KIAA0825: variants seen among roughly 807,000 people sequenced by gnomAD.
The protein encoded by KIAA0825 is uncharacterized protein KIAA0825.
Under a neutral mutation model 147.6 loss-of-function variants are expected in KIAA0825, and 119 were observed. The ratio of observed to expected loss-of-function variants is 0.81; its 90% CI spans 0.69 to 0.94. The LOEUF is 0.94. KIAA0825 is among the 40% of genes least tolerant of loss of function. KIAA0825 has a pLI of 0.00. For synonymous variants in KIAA0825, 470 were observed against 518.1 expected (o/e 0.91, Z 1.26); for missense variants, 1,381 against 1,472.7 (o/e 0.94, Z 1.02).
Position 94,559,028 on chromosome 5 carries a change from G to A in KIAA0825, c.-1-21901C>T, listed in dbSNP as rs535274941. Among the ~76,000 whole-genome samples, 20 of 152,126 alleles carry A rather than the reference G, an allele frequency of 1.3e-4. 1 individual carries two copies. Among genetic ancestry groups the A allele is most frequent in the Middle Eastern group, 3.4e-3 (1 of 290 alleles). On this transcript the variant is annotated intron_variant, in intron 2 of 20. Coordinates refer to ENST00000682413, the MANE Select transcript of KIAA0825 (RefSeq NM_001145678.3). ...TTTCCTTAGGTCTTCATTTCTGAAC[G>A]CTCCCATGTCATGTAAAACTTAATC...
intron 20 of KIAA0825, among the ~76,000 whole-genome samples, chr5:94,226,877 C>T (rs1011617743): frequency 2.0e-5 from 3 of 152,022 alleles, no homozygotes; most frequent in Non-Finnish European, 2.9e-5. Flanking sequence ...GAATGGCAAT[C>T]ATTAAAAAGT....
intron 1 of KIAA0825, among the ~76,000 whole-genome samples, chr5:94,592,197 CA>C (rs968858756): frequency 1.3e-5 from 2 of 152,186 alleles, no homozygotes; most frequent in African/African-American, 2.4e-5. Context: ...TGAGATGAGG[CA>C]AATCTCTTCC....
intron 16 of KIAA0825, 33 bp downstream of exon 16, chr5:94,403,536 T>C (rs1292369299): frequency 6.7e-7 from 1 of 1,498,926 alleles, no homozygotes; most frequent in African/African-American, 1.4e-5. Flanking sequence ...CTTCTTCAGG[T>C]GTATTTTCTT....
chr5:94,288,464 A>G (rs1332264616), intron 20 of KIAA0825, among the ~76,000 whole-genome samples: 2 of 152,216 alleles, frequency 1.3e-5, no homozygotes, highest in African/African-American at 4.8e-5. Context: ...AGGCTGAACA[A>G]CATAGACACT....
intron 20 of KIAA0825, among the ~76,000 whole-genome samples, chr5:94,370,566 C>A (rs2150452162): frequency 6.6e-6 from 1 of 152,184 alleles, no homozygotes; most frequent in Non-Finnish European, 1.5e-5. Context: ...GAGTTAAATT[C>A]TATATTTACA....
At chr5:94,522,984 A>G (rs1768515897) in intron 4 of KIAA0825, among the ~76,000 whole-genome samples, 1 of 151,744 alleles carries the variant, frequency 6.6e-6, no homozygotes, top group Admixed American at 6.6e-5. Context: ...TTAAGGATCC[A>G]CCTTCAGGAG....
chr5:94,525,703 A>T (rs552782464), intron 3 of KIAA0825, among the ~76,000 whole-genome samples: 1 of 152,080 alleles, frequency 6.6e-6, no homozygotes, highest in South Asian at 2.1e-4. Context: ...AATAGATTAC[A>T]GCAATGTGAA....
rs1257196601 is a variant in KIAA0825 at position 94,536,999 on chromosome 5, G to A, written c.128C>T (p.Ala43Val). 6 of 1,594,574 alleles carry A rather than the reference G, an allele frequency of 3.8e-6. No homozygotes were observed. In the African/African-American group the frequency reaches 6.7e-5, roughly 18 times the overall value. Residue 43 changes from alanine to valine, a missense_variant, in exon 3 of 21, where the codon GCA becomes GTA. Physicochemically the swap from Ala to Val is moderately conservative, Grantham distance 64 (BLOSUM62 0). Coordinates refer to ENST00000682413, the MANE Select transcript of KIAA0825 (RefSeq NM_001145678.3). ...DIDEKIEQNA[A>V]SIKHCIKEIQ... ...TTAAATAATTAACAATATTTACCTTGCAGCATTTTGTTCAATCTTTTCATC... is the reference window on the plus strand; with the variant it reads ...TTAAATAATTAACAATATTTACCTTACAGCATTTTGTTCAATCTTTTCATC...
intron 13 of KIAA0825, among the ~76,000 whole-genome samples, chr5:94,446,681 C>A (rs901932363): frequency 1.3e-5 from 2 of 152,156 alleles, no homozygotes; most frequent in African/African-American, 4.8e-5. Context: ...ATCTCTGCAG[C>A]TATTGTAGCC....
At chr5:94,346,861 G>A (rs75417998) in intron 20 of KIAA0825, among the ~76,000 whole-genome samples, 1 of 152,282 alleles carries the variant, frequency 6.6e-6, no homozygotes, top group East Asian at 1.9e-4. Context: ...CTCCACAGGT[G>A]GGGGACGAAC....
At chr5:94,205,255 G>C (rs1008882454) in intron 20 of KIAA0825, among the ~76,000 whole-genome samples, 41 of 114,892 alleles carry the variant, frequency 3.6e-4, no homozygotes, top group Non-Finnish European at 5.9e-4. Context: ...TATGATTTCT[G>C]TGACTATTTA....
At chr5:94,405,235 G>A (rs1237516783) in intron 15 of KIAA0825, among the ~76,000 whole-genome samples, 1 of 152,084 alleles carries the variant, frequency 6.6e-6, no homozygotes, top group Non-Finnish European at 1.5e-5. Flanking sequence ...AACAGATGTG[G>A]CGAGATTTCC....
chr5:94,262,616 G>C (rs1364465603), intron 20 of KIAA0825, among the ~76,000 whole-genome samples: 1 of 152,124 alleles, frequency 6.6e-6, no homozygotes, highest in Non-Finnish European at 1.5e-5. Flanking sequence ...GAGTAAGATG[G>C]ATCTTCATGT....
intron 3 of KIAA0825, among the ~76,000 whole-genome samples, chr5:94,528,950 C>T (rs991240889): frequency 1.3e-5 from 2 of 151,494 alleles, no homozygotes; most frequent in African/African-American, 4.9e-5. Context: ...CTTTGATTCT[C>T]TTTTTGGAGA....
At chr5:94,207,002 G>A (rs1475168538) in intron 20 of KIAA0825, among the ~76,000 whole-genome samples, 1 of 152,010 alleles carries the variant, frequency 6.6e-6, no homozygotes, top group Non-Finnish European at 1.5e-5. Flanking sequence ...ATCATTTTTA[G>A]TTATTTATTT....
At chr5:94,497,702 T>G (rs554503946) in intron 5 of KIAA0825, among the ~76,000 whole-genome samples, 56 of 152,326 alleles carry the variant, frequency 3.7e-4, no homozygotes, top group African/African-American at 1.3e-3. Context: ...GAAAGTACAC[T>G]ATGTTGGTAT....
chr5:94,325,951 T>C (rs1440561041), intron 20 of KIAA0825, among the ~76,000 whole-genome samples: 1 of 152,076 alleles, frequency 6.6e-6, no homozygotes, highest in Middle Eastern at 3.2e-3. Flanking sequence ...GAGTTTTTTT[T>C]CAGAACATAA....
intron 1 of KIAA0825, chr5:94,594,830 C>A: frequency 1.1e-5 from 4 of 379,444 alleles, no homozygotes; most frequent in Non-Finnish European, 2.1e-5. Flanking sequence ...TCATGTGTCA[C>A]ATTTGGACTT....
chr5:94,460,486 G>A (rs1375006939), intron 12 of KIAA0825, among the ~76,000 whole-genome samples: 1 of 152,080 alleles, frequency 6.6e-6, no homozygotes, highest in African/African-American at 2.4e-5. Context: ...TGAAATAAAG[G>A]CAGTCACCTT....
Sources: gnomAD v4.1 joint callset for allele counts (sites outside exome capture counted in the v4.1 genomes callset) on GRCh38, gnomAD v4.1.1 for gene constraint, MANE v1.5 for transcripts, NCBI Gene and HGNC (gene_info 2026-07-23, HGNC 2026-07-21) for gene names.